The following IGSF10 variants were observed in gnomAD, a reference collection of about 807,000 sequenced individuals.
IGSF10 encodes the protein immunoglobulin superfamily member 10.
IGSF10 carries 126 observed loss-of-function variants against 128.2 expected under a neutral mutation model. The observed-to-expected ratio is 0.98, with a 90% confidence interval of 0.85 to 1.14. IGSF10 has a LOEUF of 1.14. IGSF10 is among the 50% of genes most tolerant of loss of function. IGSF10 has a pLI of 0.00. For missense variants in IGSF10, 3,295 were observed against 3,149.8 expected (o/e 1.05, Z -1.10); for synonymous variants, 1,185 against 1,146.2 (o/e 1.03, Z -0.68).
At chr3:151,463,002 T>C (rs1046956123), upstream of IGSF10, among the ~76,000 whole-genome samples, 2 of 152,168 alleles carry the variant, frequency 1.3e-5, no homozygotes, top group Non-Finnish European at 2.9e-5. Flanking sequence ...CTAACCCAGG[T>C]CTGGACTTCC....
Position 151,453,564 on chromosome 3 carries a change from G to T in IGSF10, c.535C>A (p.Leu179Ile). 1.2e-6 allele frequency: 2 copies of T among 1,613,892 alleles called. No individual in the cohort carries two copies. Among genetic ancestry groups the T allele is most frequent in the Non-Finnish European group, 1.7e-6 (2 of 1,179,802 alleles). ...HPDTFVSLSYLQIFKISFIKF... is the reference protein window; with the variant it reads ...HPDTFVSLSYIQIFKISFIKF... Reference sequence around the variant, plus strand: ...ATGAAAGAGATTTTAAATATCTGGAGGTAGCTCAAAGAGACAAATGTATCT... The same window carrying T: ...ATGAAAGAGATTTTAAATATCTGGATGTAGCTCAAAGAGACAAATGTATCT... Residue 179 changes from leucine to isoleucine, a missense_variant, in exon 5 of 8, where the codon CTC (leucine) becomes ATC (isoleucine). Physicochemically the swap from Leu to Ile is conservative, Grantham distance 5. Coordinates refer to ENST00000282466, the MANE Select transcript of IGSF10 (RefSeq NM_178822.5).
chr3:151,587,050 T>A, the IGSF10 span, among the ~76,000 whole-genome samples: 35 of 152,166 alleles, frequency 2.3e-4, no homozygotes, highest in Admixed American at 2.6e-4. Flanking sequence ...ATAGCATTTG[T>A]TTTGGTAAGA....
At chr3:151,567,704 G>A in the IGSF10 span, among the ~76,000 whole-genome samples, 1 of 152,084 alleles carries the variant, frequency 6.6e-6, no homozygotes, top group Non-Finnish European at 1.5e-5. Context: ...CCAGGGCGAG[G>A]TGCTAGACAA....
downstream of IGSF10, chr3:151,434,100 T>C (rs1029855378): frequency 6.6e-6 from 1 of 152,430 alleles, no homozygotes; most frequent in African/African-American, 2.4e-5. Flanking sequence ...TTAAAACATA[T>C]GTGGGGGATA....
chr3:151,446,497 A>AACTGGCGT lies in IGSF10; in HGVS notation c.3476_3483dup (p.Tyr1162ThrfsTer18). The AACTGGCGT allele has an allele frequency of 6.2e-7, 1 of 1,614,162 alleles. No individual in the cohort carries two copies. The highest frequency in any genetic ancestry group is 8.5e-7 in the Non-Finnish European group (1 of 1,180,032). ...TCATTGGTGCTAGACACACGTGGGT[A>AACTGGCGT]ACTGGCGTTTACTTTGTGAGTTTTT... On this transcript the variant is annotated frameshift_variant, in exon 6 of 8. Transcript: ENST00000282466. LOFTEE classifies it high-confidence loss of function.
At chr3:151,505,268 C>A in the IGSF10 span, among the ~76,000 whole-genome samples, 1 of 152,160 alleles carries the variant, frequency 6.6e-6, no homozygotes, top group Non-Finnish European at 1.5e-5. Flanking sequence ...ACATGTCCTC[C>A]TTCACATGGC....
intron 7 of IGSF10, among the ~76,000 whole-genome samples, chr3:151,439,329 TTGGC>T (rs1183702675): frequency 6.6e-6 from 1 of 152,204 alleles, no homozygotes; most frequent in Non-Finnish European, 1.5e-5. Flanking sequence ...AAATTCTACT[TTGGC>T]TGGGCACAGT....
At chr3:151,443,923 A>C (rs767190092) in intron 6 of IGSF10, 39 bp from the exon 7 acceptor site, 1 of 1,476,638 alleles carries the variant, frequency 6.8e-7, no homozygotes, top group Non-Finnish European at 9.2e-7. Context: ...ACGGGTCATC[A>C]AAGTTTATTT....
the IGSF10 span, among the ~76,000 whole-genome samples, chr3:151,538,566 G>T: frequency 6.8e-6 from 1 of 146,632 alleles, no homozygotes; most frequent in Non-Finnish European, 1.5e-5. Flanking sequence ...TGAGAAAAAG[G>T]GTATCTAGTT....
the IGSF10 span, among the ~76,000 whole-genome samples, chr3:151,595,422 T>G: frequency 2.0e-5 from 3 of 151,464 alleles, no homozygotes; most frequent in Non-Finnish European, 4.4e-5. Flanking sequence ...AGACCAAACA[T>G]TCTTAAAATT....
the IGSF10 span, among the ~76,000 whole-genome samples, chr3:151,495,576 CTGT>C: frequency 1.7e-5 from 2 of 115,148 alleles, no homozygotes; most frequent in South Asian, 6.4e-4. Flanking sequence ...TTAATTTTCA[CTGT>C]TTTTTTTATC....
the IGSF10 span, among the ~76,000 whole-genome samples, chr3:151,505,429 T>C: frequency 6.6e-5 from 10 of 152,150 alleles, no homozygotes; most frequent in East Asian, 1.9e-3. Flanking sequence ...CAAGTGGGGA[T>C]TATGGGAACA....
the IGSF10 span, among the ~76,000 whole-genome samples, chr3:151,587,179 A>T: frequency 6.6e-6 from 1 of 152,160 alleles, no homozygotes; most frequent in Admixed American, 6.5e-5. Flanking sequence ...TAGACACCAT[A>T]GTTCTTAGAA....
intron 5 of IGSF10, among the ~76,000 whole-genome samples, chr3:151,451,407 G>A (rs1041164855): frequency 6.6e-6 from 1 of 151,984 alleles, no homozygotes; most frequent in Non-Finnish European, 1.5e-5. Context: ...TTACTTATCT[G>A]TCTTCCCATG....
chr3:151,572,115 G>A, the IGSF10 span, among the ~76,000 whole-genome samples: 11 of 152,122 alleles, frequency 7.2e-5, no homozygotes, highest in African/African-American at 1.4e-4. Flanking sequence ...TGCTGGATTC[G>A]GTTTGCCGGT....
chr3:151,500,523 A>G, the IGSF10 span, among the ~76,000 whole-genome samples: 1 of 152,154 alleles, frequency 6.6e-6, no homozygotes, highest in Admixed American at 6.6e-5. Flanking sequence ...TAGAACGGGG[A>G]ATAGTAATGG....
the IGSF10 span, among the ~76,000 whole-genome samples, chr3:151,528,591 C>T: frequency 5.3e-5 from 8 of 152,258 alleles, 1 homozygote; most frequent in African/African-American, 1.9e-4. Context: ...TCACCTGGAA[C>T]GTACAAAGGG....
chr3:151,484,564 T>C, the IGSF10 span, among the ~76,000 whole-genome samples: 1 of 152,082 alleles, frequency 6.6e-6, no homozygotes, highest in African/African-American at 2.4e-5. Context: ...GGCTGGCATC[T>C]GGCAGGTGCC....
chr3:151,503,876 G>T, the IGSF10 span, among the ~76,000 whole-genome samples: 9 of 152,134 alleles, frequency 5.9e-5, no homozygotes, highest in African/African-American at 2.2e-4. Flanking sequence ...TCTTCTTGCT[G>T]TCTTCTGTTT....
Sources: allele counts gnomAD v4.1 joint callset (sites outside exome capture counted in the v4.1 genomes callset), GRCh38; gene constraint gnomAD v4.1.1; transcripts MANE v1.5; gene names NCBI Gene and HGNC (gene_info 2026-07-23, HGNC 2026-07-21).